Variants in ZNF517 observed in about 807,000 individuals in gnomAD.
ZNF517 encodes zinc finger protein 517.
In ZNF517, 12 loss-of-function variants were observed where a neutral mutation model predicts 12.1. The ratio of observed to expected loss-of-function variants is 0.99; its 90% confidence interval spans 0.63 to 1.61. The LOEUF (loss-of-function observed/expected upper bound fraction) is 1.61. Among genes scored for constraint, ZNF517 ranks in the 40% most tolerant of loss-of-function variants. ZNF517 has a pLI of 0.00. For missense variants in ZNF517, 781 were observed against 693.2 expected (o/e 1.13, Z -1.42); for synonymous variants, 388 against 310.2 (o/e 1.25, Z -2.63).
At chr8:144,803,847 T>A in intron 3 of ZNF517, 80 bp downstream of exon 3, 1 of 1,546,176 alleles carries the variant, frequency 6.5e-7, no homozygotes, top group Non-Finnish European at 8.8e-7. Flanking sequence ...CATTGCAGAT[T>A]CAAGGTCTGA....
chr8:144,804,444 T>C (rs1345240622), intron 4 of ZNF517, among the ~76,000 whole-genome samples: 2 of 152,114 alleles, frequency 1.3e-5, no homozygotes, highest in Non-Finnish European at 2.9e-5. Flanking sequence ...GAGTTTTCCA[T>C]TTTGGTGTCC....
At position 144,808,359 on chromosome 8, in the gene ZNF517, C is replaced by T; in HGVS notation, c.1443C>T (p.Asp481=). Residue 481 remains aspartate, a synonymous_variant, in exon 5 of 5, where the codon GAC becomes GAT. Coordinates refer to ENST00000359971, the MANE Select transcript of ZNF517 (RefSeq NM_213605.3). ...TGCACGGCCGCGAGCCCGGGGAGGA[C>T]ACAGAGGGCAGGCGGGCGCCCTGTT... ...QKVHGREPGE[D]TEGRRAPCWA... 2.0e-6 allele frequency: 3 copies of T among 1,469,580 alleles called. No homozygotes were observed. Among genetic ancestry groups the T allele is most frequent in the East Asian group, 2.5e-5 (1 of 40,574 alleles). 91.0% of individuals were successfully genotyped at this position (1,469,580 alleles called of 1,614,324 possible).
Position 144,807,702 on chromosome 8 carries a change from A to G in ZNF517, c.786A>G (p.Ala262=), listed in dbSNP as rs1011721095. The change falls in exon 5 of 5, where the codon GCA becomes GCG. Residue 262 remains alanine (A), a synonymous_variant. Coordinates refer to ENST00000359971, the MANE Select transcript of ZNF517 (RefSeq NM_213605.3). ...HRVHTRERPY[A]CGECGKAFSR... ...TCCACACCCGCGAGCGGCCCTACGC[A>G]TGCGGCGAGTGCGGCAAGGCCTTCA... The G allele has an allele frequency of 6.2e-7, 1 of 1,610,290 alleles. No homozygotes were observed.
chr8:144,807,126 A>T, intron 4 of ZNF517, 65 bp from the exon 5 acceptor site: 1 of 1,500,348 alleles, frequency 6.7e-7, no homozygotes, highest in Non-Finnish European at 8.9e-7. Flanking sequence ...TATGTCTTCA[A>T]ACAAGAAGTT....
intron 4 of ZNF517, 121 bp downstream of exon 4, chr8:144,804,359 G>GC (rs1827121005): frequency 1.5e-6 from 1 of 655,316 alleles, no homozygotes; most frequent in African/African-American, 1.8e-5. Flanking sequence ...TCACAGCAGG[G>GC]CCAGATTTCC....
Position 144,808,483 on chromosome 8 carries a change from G to A in ZNF517, c.*88G>A, listed in dbSNP as rs1827411588. On this transcript the variant is annotated 3_prime_UTR_variant, in exon 5 of 5. Transcript: ENST00000359971. ...GCAGAAATTCAGAACCCCCTGTCCT[G>A]AAGGTGAAGCAAAGTCTAAAGAAAG... 1.4e-6 allele frequency: 2 copies of A among 1,387,382 alleles called. No homozygotes were observed. The highest frequency in any genetic ancestry group is 7.0e-5 in the Admixed American group (2 of 28,558). The allele number at this position is 1,387,382 out of a possible 1,614,324, so 85.9% of individuals were successfully genotyped here. A position where few individuals can be genotyped will look rare whatever the true frequency, so the allele number is the denominator to read the frequency against.
chr8:144,808,400 G>A lies in ZNF517; in HGVS notation c.*5G>A, dbSNP rs2130463554. ...GCGCCCTGTTGGGCTTCCTGATGAC[G>A]GGGACGACAGGCCGAGGATTCACGC... On this transcript the variant is annotated 3_prime_UTR_variant, in exon 5 of 5. Coordinates refer to ENST00000359971, the MANE Select transcript of ZNF517 (RefSeq NM_213605.3). 2 of 1,452,986 alleles carry A rather than the reference G, an allele frequency of 1.4e-6. No individual in the cohort carries two copies. Among genetic ancestry groups the A allele is most frequent in the Middle Eastern group, 2.6e-4 (1 of 3,914 alleles). 90.0% of individuals were successfully genotyped at this position (1,452,986 alleles called of 1,614,324 possible). A position where few individuals can be genotyped will look rare whatever the true frequency, so the allele number is the denominator to read the frequency against.
intron 2 of ZNF517, 98 bp from the exon 3 acceptor site, chr8:144,803,543 C>T: frequency 6.6e-7 from 1 of 1,520,370 alleles, no homozygotes; most frequent in South Asian, 1.2e-5. Flanking sequence ...CAGTGGGCAG[C>T]AAGGAGAGAG....
Position 144,807,872 on chromosome 8 carries a change from G to T in ZNF517, c.956G>T (p.Cys319Phe). 1 of 1,570,606 alleles carries T rather than the reference G, an allele frequency of 6.4e-7. No individual in the cohort carries two copies. The change falls in exon 5 of 5, where the codon TGC (cysteine) becomes TTC (phenylalanine). Residue 319 changes from cysteine (C) to phenylalanine (F), a missense_variant. Coordinates refer to ENST00000359971, the MANE Select transcript of ZNF517 (RefSeq NM_213605.3). ...RIHSGERPYRCLRCGQRFIRG... is the reference protein window; with the variant it reads ...RIHSGERPYRFLRCGQRFIRG... Reference sequence around the variant, plus strand: ...CACAGCGGGGAGCGGCCCTACCGGTGCCTGCGGTGTGGGCAGCGCTTCATC... The same window carrying T: ...CACAGCGGGGAGCGGCCCTACCGGTTCCTGCGGTGTGGGCAGCGCTTCATC...
intron 4 of ZNF517, among the ~76,000 whole-genome samples, chr8:144,804,472 G>A (rs1480090701): frequency 1.3e-5 from 2 of 152,156 alleles, no homozygotes; most frequent in African/African-American, 2.4e-5. Context: ...GTCAGGGGCC[G>A]GGTCTGTGCT....
At chr8:144,811,225 AC>A (rs1355137558), downstream of ZNF517, 1 of 152,244 alleles carries the variant, frequency 6.6e-6, no homozygotes, top group Non-Finnish European at 1.5e-5. Context: ...TACTCTGTGG[AC>A]CCTGTTCACA....
chr8:144,802,955 C>G lies in ZNF517; in HGVS notation c.33+8C>G. 1 of 1,613,798 alleles carries G rather than the reference C, an allele frequency of 6.2e-7. No individual in the cohort carries two copies. Among genetic ancestry groups the G allele is most frequent in the Non-Finnish European group, 8.5e-7 (1 of 1,179,882 alleles). On this transcript the variant is annotated splice_region_variant and intron_variant, in intron 2 of 4. Coordinates refer to ENST00000359971, the MANE Select transcript of ZNF517 (RefSeq NM_213605.3). ...CCGATGCCTGGACCTCAGGTGAGCA[C>G]CCCCTGAGCCCGTCCATTGCCCCAG...
chr8:144,810,200 C>T (rs754394278), downstream of ZNF517: 40 of 697,608 alleles, frequency 5.7e-5, 1 homozygote, highest in South Asian at 3.1e-4. Context: ...GAAGGGTAGC[C>T]GGTGGGGGTG....
chr8:144,805,476 G>A (rs979341068), intron 4 of ZNF517, among the ~76,000 whole-genome samples: 7 of 151,592 alleles, frequency 4.6e-5, no homozygotes, highest in Admixed American at 1.3e-4. Flanking sequence ...GACTACAGGC[G>A]CCCGCCACCA....
intron 4 of ZNF517, among the ~76,000 whole-genome samples, chr8:144,805,859 A>C (rs967204557): frequency 4.6e-5 from 7 of 150,878 alleles, no homozygotes; most frequent in African/African-American, 1.7e-4. Context: ...TGACCTTGTG[A>C]TCCGCCGCCT....
At chr8:144,810,210 G>A, downstream of ZNF517, 1 of 696,478 alleles carries the variant, frequency 1.4e-6, no homozygotes, top group Non-Finnish European at 2.6e-6. Context: ...CGGTGGGGGT[G>A]CTGCATCCTC....
rs1178808972 is a variant in ZNF517 at position 144,809,928 on chromosome 8, C to T, written c.*1533C>T. ...AGTAGCTGGGTGTGGTGCTGGGTGC[C>T]TGTAATCCCAGCTACTCGGGAGGCT... On this transcript the variant is annotated 3_prime_UTR_variant, in exon 5 of 5. Coordinates refer to ENST00000359971, the MANE Select transcript of ZNF517 (RefSeq NM_213605.3). The T allele has an allele frequency of 4.9e-6, 2 of 407,508 alleles. No homozygotes were observed. The highest frequency in any genetic ancestry group is 2.0e-5 in the African/African-American group (1 of 49,660). The allele number at this position is 407,508 out of a possible 1,614,324, so 25.2% of individuals were successfully genotyped here.
chr8:144,808,679 G>A lies in ZNF517; in HGVS notation c.*284G>A, dbSNP rs1402093602. On this transcript the variant is annotated 3_prime_UTR_variant, in exon 5 of 5. Transcript: ENST00000359971. Reference sequence around the variant, plus strand: ...AAGGGAGAGAGGGAGGGGCAGCTATGCTCAGTCCCCAAAGAGCAGGGCACA... The same window carrying A: ...AAGGGAGAGAGGGAGGGGCAGCTATACTCAGTCCCCAAAGAGCAGGGCACA... 1.8e-5 allele frequency: 6 copies of A among 342,240 alleles called. No homozygotes were observed. The highest frequency in any genetic ancestry group is 3.1e-5 in the Non-Finnish European group (6 of 193,402). 21.2% of individuals were successfully genotyped at this position (342,240 alleles called of 1,614,324 possible). A position where few individuals can be genotyped will look rare whatever the true frequency, so the allele number is the denominator to read the frequency against.
chr8:144,807,179 TC>T lies in ZNF517; in HGVS notation c.275-10del. 1 of 1,515,788 alleles carries T rather than the reference TC, an allele frequency of 6.6e-7. No homozygotes were observed. The highest frequency in any genetic ancestry group is 8.8e-7 in the Non-Finnish European group (1 of 1,133,282). The allele number at this position is 1,515,788 out of a possible 1,614,324, so 93.9% of individuals were successfully genotyped here. A position where few individuals can be genotyped will look rare whatever the true frequency, so the allele number is the denominator to read the frequency against. On this transcript the variant is annotated splice_polypyrimidine_tract_variant and intron_variant, in intron 4 of 4. Transcript: ENST00000359971. Reference sequence around the variant, plus strand: ...GCTGGATCATCCTTCCGTTTTCTGTTCCTTCTCTCAGATTCCAGGATGGAGG... The same window carrying T: ...GCTGGATCATCCTTCCGTTTTCTGTTCTTCTCTCAGATTCCAGGATGGAGG...
Sources: gnomAD v4.1 joint callset for allele counts (sites outside exome capture counted in the v4.1 genomes callset) on GRCh38, gnomAD v4.1.1 for gene constraint, MANE v1.5 for transcripts, NCBI Gene and HGNC (gene_info 2026-07-23, HGNC 2026-07-21) for gene names.